Variants in LEUTX observed in about 807,000 individuals in gnomAD.
The protein encoded by LEUTX is leucine twenty homeobox.
In LEUTX, 5 loss-of-function variants were observed where a neutral mutation model predicts 4.5. The observed-to-expected ratio is 1.11, with a 90% CI of 0.58 to 2.34. The LOEUF is 2.34. LEUTX is among the 30% of genes most tolerant of loss of function. The pLI, the probability that LEUTX is intolerant of heterozygous loss-of-function variation, is 0.01. For synonymous variants in LEUTX, 89 were observed against 85.1 expected (o/e 1.05, Z -0.25); for missense variants, 233 against 239.4 (o/e 0.97, Z 0.18).
At chr19:39,783,263 A>G (rs1599617737) in intron 1 of LEUTX, among the ~76,000 whole-genome samples, 1 of 146,644 alleles carries the variant, frequency 6.8e-6, no homozygotes, top group South Asian at 2.1e-4. Context: ...TATATAAATT[A>G]TATATATATA....
At chr19:39,778,663 CTTTTTTTT>C (rs34540141), upstream of LEUTX, among the ~76,000 whole-genome samples, 4 of 119,662 alleles carry the variant, frequency 3.3e-5, no homozygotes, top group South Asian at 2.7e-4. Context: ...AAGGATCAGT[CTTTTTTTT>C]TTTTTTTTTT....
intron 2 of LEUTX, 33 bp from the exon 3 acceptor site, chr19:39,785,665 C>G (rs1483830838): frequency 1.3e-6 from 2 of 1,513,018 alleles, no homozygotes; most frequent in African/African-American, 2.8e-5. Context: ...TACTCAACAT[C>G]CATTATTAAC....
intron 1 of LEUTX, among the ~76,000 whole-genome samples, chr19:39,780,530 T>C (rs1967870058): frequency 6.6e-6 from 1 of 152,220 alleles, no homozygotes; most frequent in African/African-American, 2.4e-5. Flanking sequence ...AATACTTTCA[T>C]GATACTCTCT....
At chr19:39,782,601 T>C (rs562064206) in intron 1 of LEUTX, among the ~76,000 whole-genome samples, 1 of 152,274 alleles carries the variant, frequency 6.6e-6, no homozygotes, top group African/African-American at 2.4e-5. Context: ...GGAAAACATA[T>C]TGGTGCCCAA....
intron 1 of LEUTX, among the ~76,000 whole-genome samples, chr19:39,782,010 G>A (rs893108752): frequency 6.6e-6 from 1 of 152,018 alleles, no homozygotes; most frequent in African/African-American, 2.4e-5. Flanking sequence ...TTCATTCTTA[G>A]GTCACTAAGC....
At chr19:39,781,439 A>T (rs550602277) in intron 1 of LEUTX, among the ~76,000 whole-genome samples, 10 of 152,278 alleles carry the variant, frequency 6.6e-5, no homozygotes, top group Admixed American at 4.6e-4. Flanking sequence ...CAGTTTGCAT[A>T]TTTGTCCCCT....
chr19:39,778,905 A>G lies in LEUTX; in HGVS notation c.-16A>G, dbSNP rs1266266225. The G allele has an allele frequency of 6.6e-6, 1 of 152,072 alleles. No homozygotes were observed. The highest frequency in any genetic ancestry group is 6.6e-5 in the Admixed American group (1 of 15,250). 9.4% of individuals were successfully genotyped at this position (152,072 alleles called of 1,614,324 possible). A position where few individuals can be genotyped will look rare whatever the true frequency, so the allele number is the denominator to read the frequency against. Reference sequence around the variant, plus strand: ...AGCACACAGCTGATCGAACCCACTCATTTCTAGAGGACACCATGTTTGGTA... The same window carrying G: ...AGCACACAGCTGATCGAACCCACTCGTTTCTAGAGGACACCATGTTTGGTA... On this transcript the variant is annotated 5_prime_UTR_variant, in exon 1 of 3. Transcript: ENST00000638280.
At chr19:39,782,392 G>T (rs1167002500) in intron 1 of LEUTX, among the ~76,000 whole-genome samples, 2 of 152,062 alleles carry the variant, frequency 1.3e-5, no homozygotes, top group Non-Finnish European at 2.9e-5. Context: ...TTCCCCTTTT[G>T]CTTAGGTCTC....
intron 1 of LEUTX, among the ~76,000 whole-genome samples, chr19:39,783,634 T>C (rs1967920331): frequency 6.6e-6 from 1 of 152,054 alleles, no homozygotes; most frequent in Non-Finnish European, 1.5e-5. Flanking sequence ...TGTAGAAGTG[T>C]TGCCTGTTCA....
rs141643356 is a variant in LEUTX, at chr19:39,783,364, TACACACAC to T, written c.8-1150_8-1143del. Among the ~76,000 whole-genome samples the T allele has an allele frequency of 7.5e-3, 1,010 of 134,432 alleles. 15 individuals carry two copies. The highest frequency in any genetic ancestry group is 0.026 in the African/African-American group (954 of 37,034). 88.2% of individuals were successfully genotyped at this position (134,432 alleles called of 152,430 possible). ...TTATATATATATACATATATATATATACACACACACACACACACACCACAGCTTATCCA... is the reference window on the plus strand; with the variant it reads ...TTATATATATATACATATATATATATACACACACACACCACAGCTTATCCA... On this transcript the variant is annotated intron_variant, in intron 1 of 2. Coordinates refer to ENST00000638280, the MANE Select transcript of LEUTX (RefSeq NM_001382345.1).
At chr19:39,780,555 T>C (rs1967870359) in intron 1 of LEUTX, among the ~76,000 whole-genome samples, 1 of 152,180 alleles carries the variant, frequency 6.6e-6, no homozygotes, top group Admixed American at 6.5e-5. Context: ...CATTTTTTAG[T>C]CAGAGATATT....
upstream of LEUTX, chr19:39,776,707 T>C: frequency 6.6e-6 from 3 of 455,060 alleles, no homozygotes; most frequent in Non-Finnish European, 1.3e-5. Context: ...ATTTCTCAAG[T>C]AGCTTGTGGT....
chr19:39,777,940 G>A (rs1021764239), upstream of LEUTX, among the ~76,000 whole-genome samples: 1 of 152,204 alleles, frequency 6.6e-6, no homozygotes, highest in Admixed American at 6.5e-5. Flanking sequence ...GGGTGTGGAG[G>A]TTGCGGGAGA....
intron 1 of LEUTX, among the ~76,000 whole-genome samples, chr19:39,779,636 C>T (rs1967855053): frequency 6.6e-6 from 1 of 152,096 alleles, no homozygotes; most frequent in Non-Finnish European, 1.5e-5. Context: ...TTATGAGTAC[C>T]GTTGTACAAA....
At chr19:39,781,142 T>C (rs1182049735) in intron 1 of LEUTX, among the ~76,000 whole-genome samples, 1 of 152,138 alleles carries the variant, frequency 6.6e-6, no homozygotes, top group African/African-American at 2.4e-5. Context: ...CCCCTTCCTG[T>C]TTGAGAATTT....
At chr19:39,784,089 G>A (rs567824687) in intron 1 of LEUTX, among the ~76,000 whole-genome samples, 3 of 152,124 alleles carry the variant, frequency 2.0e-5, no homozygotes, top group Admixed American at 6.5e-5. Flanking sequence ...ATAAAAGGGC[G>A]TCCATTGTCT....
At chr19:39,779,036 T>G (rs1967843702) in intron 1 of LEUTX, 109 bp downstream of exon 1, 1 of 152,110 alleles carries the variant, frequency 6.6e-6, no homozygotes, top group Non-Finnish European at 1.5e-5. Context: ...CTGGGTAAAT[T>G]TAGAAACCAC....
At chr19:39,785,612 A>T in intron 2 of LEUTX, 86 bp from the exon 3 acceptor site, 1 of 1,049,924 alleles carries the variant, frequency 9.5e-7, no homozygotes, top group Middle Eastern at 3.1e-4. Context: ...TCTCTCTCAC[A>T]CCAAAAAACC....
intron 2 of LEUTX, 124 bp from the exon 3 acceptor site, chr19:39,785,574 G>T (rs1468442504): frequency 2.9e-5 from 21 of 723,048 alleles, no homozygotes; most frequent in Non-Finnish European, 4.4e-5. Flanking sequence ...AGTAGAAAGG[G>T]CTTCCCTTGT....
Sources: allele counts gnomAD v4.1 joint callset (sites outside exome capture counted in the v4.1 genomes callset), GRCh38; gene constraint gnomAD v4.1.1; transcripts MANE v1.5; gene names NCBI Gene and HGNC (gene_info 2026-07-23, HGNC 2026-07-21).